ERGIC2: variants seen among roughly 807,000 people sequenced by gnomAD.
ERGIC2 encodes ERGIC and golgi 2, also known as endoplasmic reticulum-Golgi intermediate compartment protein 2.
In ERGIC2, 31 loss-of-function variants were observed where a neutral mutation model predicts 52.5. The observed-to-expected ratio is 0.59, with a 90% confidence interval of 0.44 to 0.80. The LOEUF (loss-of-function observed/expected upper bound fraction) is 0.80, where lower values mean the gene tolerates loss of function less well. Among genes scored for constraint, ERGIC2 ranks in the 30% least tolerant of loss-of-function variants. The pLI is 0.00. For synonymous variants in ERGIC2, 129 were observed against 140.6 expected (o/e 0.92, Z 0.58); for missense variants, 395 against 455.2 (o/e 0.87, Z 1.20).
intron 5 of ERGIC2, among the ~76,000 whole-genome samples, chr12:29,362,438 A>G (rs1277101173): frequency 1.3e-5 from 2 of 151,988 alleles, no homozygotes; most frequent in East Asian, 3.9e-4. Flanking sequence ...CCCTGTCTGT[A>G]CTAAAATACA....
In ERGIC2 at chr12:29,340,230, A is replaced by G. The variant is rs748844302; in HGVS notation, c.*926T>C. On this transcript the variant is annotated 3_prime_UTR_variant, in exon 14 of 14. Transcript: ENST00000360150. ...TTGCCTTACACTTTCATTTAAAGTT[A>G]CCCTGTTCTCCACTCACCACATGTA... 2.0e-5 allele frequency: 3 copies of G among 152,136 alleles called. No homozygotes were observed. Among genetic ancestry groups the G allele is most frequent in the Non-Finnish European group, 4.4e-5 (3 of 67,998 alleles). The allele number at this position is 152,136 out of a possible 1,614,324, so 9.4% of individuals were successfully genotyped here. A position where few individuals can be genotyped will look rare whatever the true frequency, so the allele number is the denominator to read the frequency against.
chr12:29,345,600 T>C (rs764867529), intron 10 of ERGIC2, 60 bp from the exon 11 acceptor site: 2 of 878,326 alleles, frequency 2.3e-6, no homozygotes, highest in South Asian at 2.6e-5. Context: ...GCCAAATATA[T>C]TCTTCTATTA....
At chr12:29,364,767 A>C (rs1940334905) in intron 5 of ERGIC2, among the ~76,000 whole-genome samples, 1 of 152,028 alleles carries the variant, frequency 6.6e-6, no homozygotes, top group South Asian at 2.1e-4. Context: ...TGAACATGTA[A>C]AAAACAACCC....
At chr12:29,364,524 T>A (rs1024113764) in intron 5 of ERGIC2, among the ~76,000 whole-genome samples, 1 of 152,058 alleles carries the variant, frequency 6.6e-6, no homozygotes, top group Non-Finnish European at 1.5e-5. Context: ...GAAAACACCA[T>A]TGTGGGCATC....
chr12:29,373,285 G>C (rs1940469120), intron 1 of ERGIC2, among the ~76,000 whole-genome samples: 1 of 151,918 alleles, frequency 6.6e-6, no homozygotes, highest in Admixed American at 6.6e-5. Flanking sequence ...TGAATTCTTA[G>C]ATATTTACAT....
intron 2 of ERGIC2, 60 bp from the exon 3 acceptor site, chr12:29,370,282 G>A (rs1389376912): frequency 2.7e-6 from 4 of 1,457,258 alleles, no homozygotes; most frequent in African/African-American, 1.5e-5. Flanking sequence ...GCAAAGAATA[G>A]GAAACTAATT....
In ERGIC2 at chr12:29,364,984, G is replaced by A. The variant is rs1218730402; in HGVS notation, c.333+1893C>T. 4.6e-5 allele frequency among the ~76,000 whole-genome samples: 7 copies of A among 151,664 alleles called. 1 individual carries two copies. On this transcript the variant is annotated intron_variant, in intron 5 of 13. Transcript: ENST00000360150. ...AAAAAGATGTTGGAGAGGCTGTGGA[G>A]AAAAGGGAACACTTATATGCTGCTG...
chr12:29,346,500 T>C (rs1940053674), intron 10 of ERGIC2, among the ~76,000 whole-genome samples: 1 of 152,142 alleles, frequency 6.6e-6, no homozygotes, highest in Non-Finnish European at 1.5e-5. Flanking sequence ...AGCATTTCTT[T>C]ATAGTACAGA....
At chr12:29,351,867 CT>C (rs1443191026) in intron 8 of ERGIC2, among the ~76,000 whole-genome samples, 1 of 151,968 alleles carries the variant, frequency 6.6e-6, no homozygotes, top group African/African-American at 2.4e-5. Flanking sequence ...CTGATCATTG[CT>C]TTTTTATAGG....
chr12:29,362,914 A>G (rs921381947), intron 5 of ERGIC2, among the ~76,000 whole-genome samples: 6 of 152,238 alleles, frequency 3.9e-5, no homozygotes, highest in African/African-American at 1.4e-4. Flanking sequence ...CTCTCCAGCT[A>G]ATGTATAAAT....
chr12:29,338,595 A>G lies in ERGIC2; in HGVS notation c.*2561T>C, dbSNP rs966541. ...GGAGTTCGAGGATGCAGTGAGTTAC[A>G]ATCATGCCACTGCACTTCAGCCTGG... On this transcript the variant is annotated 3_prime_UTR_variant, in exon 14 of 14. Coordinates refer to ENST00000360150, the MANE Select transcript of ERGIC2 (RefSeq NM_016570.3). The G allele has an allele frequency of 0.36, 54,738 of 151,880 alleles. 11,066 individuals are homozygous for G. The highest frequency in any genetic ancestry group is 0.55 in the African/African-American group (22,716 of 41,352). 9.4% of individuals were successfully genotyped at this position (151,880 alleles called of 1,614,324 possible).
At chr12:29,362,714 TG>T (rs1190904746) in intron 5 of ERGIC2, among the ~76,000 whole-genome samples, 1 of 152,212 alleles carries the variant, frequency 6.6e-6, no homozygotes, top group African/African-American at 2.4e-5. Flanking sequence ...GAGAGCCTCA[TG>T]TCTAAGTTTT....
intron 11 of ERGIC2, among the ~76,000 whole-genome samples, chr12:29,344,725 T>C (rs1437022252): frequency 6.6e-6 from 1 of 151,982 alleles, no homozygotes; most frequent in East Asian, 1.9e-4. Flanking sequence ...ATAAGGCTAG[T>C]AAAAGAAAAC....
intron 10 of ERGIC2, 42 bp downstream of exon 10, chr12:29,349,037 T>C: frequency 1.8e-6 from 2 of 1,089,246 alleles, no homozygotes. Context: ...ATAAGCAAAA[T>C]TTTCTACATG....
rs760304122 is a variant in ERGIC2 at position 29,341,163 on chromosome 12, G to A, written c.1127C>T (p.Thr376Ile). Residue 376 changes from threonine (T) to isoleucine (I), a missense_variant, in exon 14 of 14, where the codon ACA becomes ATA. Coordinates refer to ENST00000360150, the MANE Select transcript of ERGIC2 (RefSeq NM_016570.3). ...DNHLPLLENN[T>I]H ...TCCTTCAATCGGGAGGTGTTAATGT[G>A]TATTATTTTCTAAAAGAGGTAAGTG... The A allele has an allele frequency of 6.2e-7, 1 of 1,607,816 alleles. No homozygotes were observed. The highest frequency in any genetic ancestry group is 1.1e-5 in the South Asian group (1 of 90,266).
intron 7 of ERGIC2, 90 bp downstream of exon 7, chr12:29,357,533 A>G: frequency 1.4e-6 from 1 of 726,946 alleles, no homozygotes; most frequent in Middle Eastern, 4.0e-4. Flanking sequence ...AAGAAAAATA[A>G]GATTCAGAAA....
chr12:29,362,002 C>T (rs1259999135), intron 5 of ERGIC2, among the ~76,000 whole-genome samples: 1 of 152,102 alleles, frequency 6.6e-6, no homozygotes, highest in African/African-American at 2.4e-5. Context: ...TTAAATGATG[C>T]TAGCATGAAA....
intron 7 of ERGIC2, 30 bp downstream of exon 7, chr12:29,357,593 A>G (rs1324574134): frequency 9.1e-7 from 1 of 1,096,678 alleles, no homozygotes; most frequent in East Asian, 2.4e-5. Context: ...TTCATAATAA[A>G]CAGTTGCACA....
At chr12:29,358,580 C>T (rs962924692) in intron 6 of ERGIC2, among the ~76,000 whole-genome samples, 14 of 152,006 alleles carry the variant, frequency 9.2e-5, no homozygotes, top group Non-Finnish European at 2.1e-4. Context: ...ACAACTATAT[C>T]CAATCTGATG....
Sources: gnomAD v4.1 joint callset for allele counts (sites outside exome capture counted in the v4.1 genomes callset) on GRCh38, gnomAD v4.1.1 for gene constraint, MANE v1.5 for transcripts, NCBI Gene and HGNC (gene_info 2026-07-23, HGNC 2026-07-21) for gene names.